The following CLVS1 variants were observed in gnomAD, a reference collection of about 807,000 sequenced individuals.
CLVS1 encodes clavesin 1.
A neutral mutation model predicts 33.1 loss-of-function variants in CLVS1; 10 were observed. The ratio of observed to expected loss-of-function variants is 0.30; its 90% CI spans 0.19 to 0.51. The LOEUF (loss-of-function observed/expected upper bound fraction) is 0.51, where lower values mean the gene tolerates loss of function less well. Among genes scored for constraint, CLVS1 ranks in the 20% least tolerant of loss-of-function variants. The pLI is 0.97. For synonymous variants in CLVS1, 163 were observed against 166.1 expected (o/e 0.98, Z 0.14); for missense variants, 343 against 433.4 (o/e 0.79, Z 1.85).
At chr8:61,302,570 GAGA>G (rs1300099170) in intron 2 of CLVS1, among the ~76,000 whole-genome samples, 10 of 152,190 alleles carry the variant, frequency 6.6e-5, no homozygotes, top group Admixed American at 2.0e-4. Flanking sequence ...AATTCTTTCT[GAGA>G]TACACAATTC....
intron 2 of CLVS1, among the ~76,000 whole-genome samples, chr8:61,339,301 T>C (rs1365180430): frequency 3.3e-5 from 5 of 152,280 alleles, no homozygotes; most frequent in Non-Finnish European, 5.9e-5. Flanking sequence ...GTCCCTTGCA[T>C]GGTGGGCAGG....
intron 1 of CLVS1, among the ~76,000 whole-genome samples, chr8:61,107,587 C>T (rs953291345): frequency 1.3e-5 from 2 of 152,162 alleles, no homozygotes; most frequent in Admixed American, 1.3e-4. Context: ...AATACCATCA[C>T]CTTGGGTGTT....
chr8:61,057,902 G>A (rs1264121597), intron 1 of CLVS1, among the ~76,000 whole-genome samples: 1 of 152,216 alleles, frequency 6.6e-6, no homozygotes, highest in African/African-American at 2.4e-5. Context: ...TAAGGAAGGA[G>A]CATGACAGCT....
intron 2 of CLVS1, among the ~76,000 whole-genome samples, chr8:61,351,446 T>G (rs115763782): frequency 6.6e-6 from 1 of 152,136 alleles, no homozygotes; most frequent in African/African-American, 2.4e-5. Context: ...CAGGCTCCTG[T>G]GGGACAATGT....
chr8:61,346,928 C>G (rs550011175), intron 2 of CLVS1, among the ~76,000 whole-genome samples: 24 of 152,262 alleles, frequency 1.6e-4, no homozygotes, highest in Middle Eastern at 3.4e-3. Flanking sequence ...TGTTCTGGAC[C>G]AAGAGAAAAC....
intron 3 of CLVS1, among the ~76,000 whole-genome samples, chr8:61,387,205 T>C (rs866292473): frequency 7.2e-5 from 11 of 152,138 alleles, no homozygotes; most frequent in African/African-American, 2.4e-4. Context: ...CTGGCCAACA[T>C]GGTGAAACTC....
intron 3 of CLVS1, among the ~76,000 whole-genome samples, chr8:61,427,298 G>A (rs1400698882): frequency 6.6e-6 from 1 of 151,928 alleles, no homozygotes; most frequent in Non-Finnish European, 1.5e-5. Context: ...CTGCTTTCTT[G>A]GTATCTCCCC....
At chr8:61,019,540 A>T in the CLVS1 span, among the ~76,000 whole-genome samples, 1 of 152,130 alleles carries the variant, frequency 6.6e-6, no homozygotes, top group Non-Finnish European at 1.5e-5. Context: ...GTTCTAATTT[A>T]TCTTATTCTA....
At chr8:61,240,775 A>C (rs1399132004) in intron 2 of CLVS1, among the ~76,000 whole-genome samples, 1 of 152,020 alleles carries the variant, frequency 6.6e-6, no homozygotes, top group Non-Finnish European at 1.5e-5. Context: ...ATCTTACTGC[A>C]CTGGCTAAAA....
chr8:61,274,571 G>A (rs769056172), intron 2 of CLVS1, among the ~76,000 whole-genome samples: 4 of 152,056 alleles, frequency 2.6e-5, no homozygotes, highest in East Asian at 1.9e-4. Flanking sequence ...AACATGTAGC[G>A]AATCTGAGAT....
At chr8:61,362,104 G>A (rs1281890388) in intron 2 of CLVS1, among the ~76,000 whole-genome samples, 1 of 152,174 alleles carries the variant, frequency 6.6e-6, no homozygotes, top group African/African-American at 2.4e-5. Flanking sequence ...GGGCTTTGAA[G>A]GCTGAGAACA....
At chr8:61,188,871 A>G (rs1028679157) in intron 2 of CLVS1, among the ~76,000 whole-genome samples, 2 of 152,164 alleles carry the variant, frequency 1.3e-5, no homozygotes, top group East Asian at 1.9e-4. Context: ...GGAATGGGAT[A>G]TAGGTAATAT....
chr8:61,062,423 A>G (rs531038763), intron 1 of CLVS1, among the ~76,000 whole-genome samples: 2 of 152,352 alleles, frequency 1.3e-5, no homozygotes, highest in Admixed American at 6.5e-5. Context: ...TGTTGATGTA[A>G]CTACGTCAGT....
chr8:61,188,155 T>G (rs1039404421), intron 2 of CLVS1, among the ~76,000 whole-genome samples: 23 of 152,168 alleles, frequency 1.5e-4, no homozygotes, highest in African/African-American at 5.5e-4. Context: ...ACTCTACTCT[T>G]ATTATGATAG....
intron 3 of CLVS1, among the ~76,000 whole-genome samples, chr8:61,412,435 C>T (rs1393281848): frequency 6.6e-6 from 1 of 152,046 alleles, no homozygotes; most frequent in Non-Finnish European, 1.5e-5. Context: ...TTGACTCAGG[C>T]TTTCACTCAG....
At chr8:61,220,890 G>A (rs373568960) in intron 2 of CLVS1, among the ~76,000 whole-genome samples, 14 of 152,132 alleles carry the variant, frequency 9.2e-5, no homozygotes, top group Admixed American at 2.0e-4. Flanking sequence ...CTTGTTAGCC[G>A]TATTCCTAGG....
intron 5 of CLVS1, among the ~76,000 whole-genome samples, chr8:61,493,005 G>A (rs927206219): frequency 2.0e-5 from 3 of 152,154 alleles, no homozygotes; most frequent in South Asian, 2.1e-4. Context: ...AGAAAGAAAC[G>A]TCGTAGCTTT....
intron 1 of CLVS1, among the ~76,000 whole-genome samples, chr8:61,111,884 A>C (rs1324755051): frequency 6.6e-6 from 1 of 152,204 alleles, no homozygotes; most frequent in African/African-American, 2.4e-5. Flanking sequence ...GTTTTGCAGA[A>C]AATTGGCATT....
intron 2 of CLVS1, among the ~76,000 whole-genome samples, chr8:61,171,444 C>T (rs1281374363): frequency 6.6e-6 from 1 of 152,066 alleles, no homozygotes; most frequent in African/African-American, 2.4e-5. Flanking sequence ...CTTGGTCTTA[C>T]AGACATTTCA....
Sources: allele counts gnomAD v4.1 joint callset (sites outside exome capture counted in the v4.1 genomes callset), GRCh38; gene constraint gnomAD v4.1.1; transcripts MANE v1.5; gene names NCBI Gene and HGNC (gene_info 2026-07-23, HGNC 2026-07-21).